The following EPHA6 variants were observed in gnomAD, a reference collection of about 807,000 sequenced individuals.
EPHA6 encodes the protein EPH receptor A6.
A neutral mutation model predicts 112.0 loss-of-function variants in EPHA6; 50 were observed. The observed-to-expected ratio is 0.45, with a 90% CI of 0.36 to 0.56. The LOEUF is 0.56. Among genes scored for constraint, EPHA6 ranks in the 20% least tolerant of loss-of-function variants. The probability of loss-of-function intolerance (pLI) is 0.00; values close to 1 mark genes in which losing one functional copy is unlikely to be tolerated. For missense variants in EPHA6, 1,280 were observed against 1,417.4 expected (o/e 0.90, Z 1.56); for synonymous variants, 529 against 490.7 (o/e 1.08, Z -1.03).
chr3:97,054,384 G>A (rs1004468450), intron 3 of EPHA6, among the ~76,000 whole-genome samples: 1 of 152,086 alleles, frequency 6.6e-6, no homozygotes, highest in Non-Finnish European at 1.5e-5. Context: ...TGATTGCTAT[G>A]AGACTACTGA....
chr3:97,210,082 A>G (rs1277792283), intron 3 of EPHA6, among the ~76,000 whole-genome samples: 1 of 152,206 alleles, frequency 6.6e-6, no homozygotes, highest in African/African-American at 2.4e-5. Context: ...CTAAAACTGT[A>G]TATGCCAATT....
chr3:97,487,585 C>T (rs2091727810), intron 10 of EPHA6, among the ~76,000 whole-genome samples: 1 of 152,152 alleles, frequency 6.6e-6, no homozygotes, highest in Non-Finnish European at 1.5e-5. Context: ...GCAACTGAAC[C>T]ATAAAAATTT....
intron 5 of EPHA6, among the ~76,000 whole-genome samples, chr3:97,294,578 G>A (rs567861653): frequency 6.6e-6 from 1 of 152,074 alleles, no homozygotes; most frequent in East Asian, 1.9e-4. Context: ...TTCATATTTT[G>A]TACTTATTTT....
At chr3:97,745,875 T>G (rs1459899911) in intron 16 of EPHA6, among the ~76,000 whole-genome samples, 1 of 151,788 alleles carries the variant, frequency 6.6e-6, no homozygotes, top group Non-Finnish European at 1.5e-5. Context: ...ACCTTAAGTA[T>G]TAACCTTAGG....
chr3:97,255,316 T>C (rs1364174758), intron 5 of EPHA6, among the ~76,000 whole-genome samples: 1 of 152,164 alleles, frequency 6.6e-6, no homozygotes, highest in Non-Finnish European at 1.5e-5. Flanking sequence ...AAAATCGTAG[T>C]GCTTTCACCA....
At chr3:96,969,094 A>C (rs1336503356) in intron 2 of EPHA6, among the ~76,000 whole-genome samples, 1 of 151,910 alleles carries the variant, frequency 6.6e-6, no homozygotes, top group Non-Finnish European at 1.5e-5. Context: ...CAACTCTTCT[A>C]ACTTCTACTA....
At chr3:97,492,428 A>G (rs9864619) in intron 10 of EPHA6, among the ~76,000 whole-genome samples, 10,272 of 151,046 alleles carry the variant, frequency 0.068, 1,094 homozygotes, top group African/African-American at 0.23. Context: ...TGTAATCCCA[A>G]CTACTCAGAA....
At chr3:97,074,889 CAG>C (rs1399642701) in intron 3 of EPHA6, among the ~76,000 whole-genome samples, 1 of 151,926 alleles carries the variant, frequency 6.6e-6, no homozygotes, top group East Asian at 1.9e-4. Flanking sequence ...GGAAACAGAA[CAG>C]AGTTATGCTT....
intron 7 of EPHA6, among the ~76,000 whole-genome samples, chr3:97,453,873 T>C (rs115463116): frequency 0.011 from 1,694 of 151,864 alleles, 34 homozygotes; most frequent in African/African-American, 0.039. Context: ...CCCCATTTGA[T>C]GAATTTTTCT....
At chr3:97,145,987 C>T (rs544294102) in intron 3 of EPHA6, among the ~76,000 whole-genome samples, 2 of 151,520 alleles carry the variant, frequency 1.3e-5, no homozygotes, top group Non-Finnish European at 3.0e-5. Flanking sequence ...CATGTATTAG[C>T]AAATTTACCC....
At chr3:96,883,768 G>A (rs1371912953) in intron 2 of EPHA6, among the ~76,000 whole-genome samples, 1 of 152,074 alleles carries the variant, frequency 6.6e-6, no homozygotes, top group Non-Finnish European at 1.5e-5. Context: ...CTGGGTTGAA[G>A]TAATTCTCCC....
intron 3 of EPHA6, among the ~76,000 whole-genome samples, chr3:97,097,983 A>G (rs375149051): frequency 9.2e-5 from 14 of 151,934 alleles, no homozygotes; most frequent in East Asian, 3.9e-4. Flanking sequence ...AATGAATCTT[A>G]CGTTTAAGAA....
In EPHA6 at chr3:97,327,880, T is replaced by A. The variant is rs571748188; in HGVS notation, c.1607-77270T>A. On this transcript the variant is annotated intron_variant, in intron 5 of 17. Transcript: ENST00000389672. ...ATATGTGTGTATATATATATGTATATGTGTGTATATATATGTATATGTGTG... is the reference window on the plus strand; with the variant it reads ...ATATGTGTGTATATATATATGTATAAGTGTGTATATATATGTATATGTGTG... 2.0e-5 allele frequency among the ~76,000 whole-genome samples: 3 copies of A among 148,332 alleles called. No individual in the cohort carries two copies. The East Asian group carries it at 5.9e-4, about 29-fold the overall frequency.
At chr3:97,050,660 A>C (rs1402742205) in intron 3 of EPHA6, among the ~76,000 whole-genome samples, 1 of 152,168 alleles carries the variant, frequency 6.6e-6, no homozygotes, top group Non-Finnish European at 1.5e-5. Flanking sequence ...CAATTCTAAA[A>C]ATACGTGACT....
At chr3:96,953,176 T>G (rs2041621427) in intron 2 of EPHA6, among the ~76,000 whole-genome samples, 1 of 152,168 alleles carries the variant, frequency 6.6e-6, no homozygotes, top group Non-Finnish European at 1.5e-5. Flanking sequence ...ACCAAGGAGT[T>G]TATTTTTTTA....
Position 97,648,638 on chromosome 3 carries a change from T to A in EPHA6, c.2784+10556T>A, listed in dbSNP as rs2094085345. Reference sequence around the variant, plus strand: ...ATGGGATTCGTCTGGAGATCATGCTTAACCTTTTAGTAAAACATACTCAGA... The same window carrying A: ...ATGGGATTCGTCTGGAGATCATGCTAAACCTTTTAGTAAAACATACTCAGA... On this transcript the variant is annotated intron_variant, in intron 14 of 17. Coordinates refer to ENST00000389672, the MANE Select transcript of EPHA6 (RefSeq NM_001080448.3). 5 of 1,098,522 alleles carry A rather than the reference T, an allele frequency of 4.6e-6. No homozygotes were observed. In the South Asian group the frequency reaches 2.2e-4, roughly 47 times the overall value. The allele number at this position is 1,098,522 out of a possible 1,614,324, so 68.0% of individuals were successfully genotyped here. A position where few individuals can be genotyped will look rare whatever the true frequency, so the allele number is the denominator to read the frequency against.
chr3:97,635,372 T>A (rs2093936672), intron 13 of EPHA6, among the ~76,000 whole-genome samples: 1 of 152,156 alleles, frequency 6.6e-6, no homozygotes, highest in Non-Finnish European at 1.5e-5. Flanking sequence ...ATTTTAAGGT[T>A]AATTTTTAAA....
At chr3:97,136,043 A>G (rs2075761097) in intron 3 of EPHA6, among the ~76,000 whole-genome samples, 1 of 152,154 alleles carries the variant, frequency 6.6e-6, no homozygotes, top group Admixed American at 6.6e-5. Flanking sequence ...TGAAACAGGA[A>G]CCCTCAAAGG....
chr3:97,041,893 C>T (rs1239608842), intron 3 of EPHA6, among the ~76,000 whole-genome samples: 1 of 152,042 alleles, frequency 6.6e-6, no homozygotes, highest in Non-Finnish European at 1.5e-5. Flanking sequence ...ATCTAATCAC[C>T]TCCCCTTAGG....
Sources: gnomAD v4.1 joint callset for allele counts (sites outside exome capture counted in the v4.1 genomes callset) on GRCh38, gnomAD v4.1.1 for gene constraint, MANE v1.5 for transcripts, NCBI Gene and HGNC (gene_info 2026-07-23, HGNC 2026-07-21) for gene names.